GALNT13: variants seen among roughly 807,000 people sequenced by gnomAD.
GALNT13 encodes the protein polypeptide N-acetylgalactosaminyltransferase 13.
In GALNT13, 28 loss-of-function variants were observed where a neutral mutation model predicts 64.2. That is an observed-to-expected ratio of 0.44 (90% confidence interval 0.32 to 0.60). The LOEUF is 0.60. Among genes scored for constraint, GALNT13 ranks in the 20% least tolerant of loss-of-function variants. The pLI, the probability that GALNT13 is intolerant of heterozygous loss-of-function variation, is 0.05. For synonymous variants in GALNT13, 214 were observed against 224.6 expected (o/e 0.95, Z 0.42); for missense variants, 577 against 669.8 (o/e 0.86, Z 1.53).
chr2:153,207,165 C>A, the GALNT13 span, among the ~76,000 whole-genome samples: 1 of 151,970 alleles, frequency 6.6e-6, no homozygotes, highest in African/African-American at 2.4e-5. Flanking sequence ...CAAATGATTG[C>A]CTTCCTTTCC....
chr2:153,486,754 T>C, the GALNT13 span, among the ~76,000 whole-genome samples: 1 of 152,220 alleles, frequency 6.6e-6, no homozygotes, highest in East Asian at 1.9e-4. Flanking sequence ...TTTTTAGATG[T>C]GCAGCATAGA....
At chr2:153,297,680 T>G in the GALNT13 span, among the ~76,000 whole-genome samples, 2 of 152,210 alleles carry the variant, frequency 1.3e-5, no homozygotes, top group East Asian at 3.8e-4. Flanking sequence ...TTACAAATGA[T>G]ACTAAATGAG....
the GALNT13 span, among the ~76,000 whole-genome samples, chr2:153,099,963 G>A: frequency 6.6e-6 from 1 of 152,180 alleles, no homozygotes. Context: ...GAGGAAACAC[G>A]TTTTTGTAAC....
the GALNT13 span, among the ~76,000 whole-genome samples, chr2:153,503,944 A>G: frequency 6.6e-6 from 1 of 151,938 alleles, no homozygotes; most frequent in African/African-American, 2.4e-5. Flanking sequence ...ATTGATGGGA[A>G]TTGAGTTGAA....
chr2:153,905,763 G>A (rs571857015), intron 2 of GALNT13, among the ~76,000 whole-genome samples: 5 of 152,054 alleles, frequency 3.3e-5, no homozygotes, highest in African/African-American at 1.2e-4. Context: ...TTTTCTTAAA[G>A]GAAACACTTT....
At chr2:153,809,659 G>A in the GALNT13 span, among the ~76,000 whole-genome samples, 2 of 152,064 alleles carry the variant, frequency 1.3e-5, no homozygotes, top group Non-Finnish European at 2.9e-5. Context: ...CTATTAATCC[G>A]AGGCATATCT....
chr2:153,147,113 C>G, the GALNT13 span, among the ~76,000 whole-genome samples: 17,795 of 151,492 alleles, frequency 0.12, 1,379 homozygotes, highest in African/African-American at 0.2. Flanking sequence ...AGTTTCCCAG[C>G]ACGTGCAGCT....
the GALNT13 span, among the ~76,000 whole-genome samples, chr2:153,187,064 A>T: frequency 6.6e-6 from 1 of 152,258 alleles, no homozygotes; most frequent in Non-Finnish European, 1.5e-5. Flanking sequence ...TACATCTGTT[A>T]AATAAATTGA....
the GALNT13 span, among the ~76,000 whole-genome samples, chr2:153,341,989 T>C: frequency 2.0e-5 from 3 of 152,280 alleles, no homozygotes; most frequent in Admixed American, 2.0e-4. Flanking sequence ...AGCCAGGTAA[T>C]GAGATCAAAT....
At chr2:153,097,105 A>G in the GALNT13 span, among the ~76,000 whole-genome samples, 1 of 152,164 alleles carries the variant, frequency 6.6e-6, no homozygotes, top group African/African-American at 2.4e-5. Context: ...TTTTAAACTT[A>G]TAACAAAACT....
the GALNT13 span, among the ~76,000 whole-genome samples, chr2:153,121,045 A>T: frequency 6.6e-6 from 1 of 152,186 alleles, no homozygotes; most frequent in Non-Finnish European, 1.5e-5. Context: ...TAGAAAGACC[A>T]CCAAAATACT....
chr2:153,932,626 CTTTTTTT>C (rs34617568), intron 2 of GALNT13, among the ~76,000 whole-genome samples: 1 of 95,650 alleles, frequency 1.0e-5, no homozygotes. Context: ...TTCTGTCTTT[CTTTTTTT>C]TTTTTTTTTT....
the GALNT13 span, among the ~76,000 whole-genome samples, chr2:153,863,702 C>T: frequency 6.6e-6 from 1 of 152,006 alleles, no homozygotes; most frequent in Non-Finnish European, 1.5e-5. Context: ...AATAAGCAAT[C>T]GAAACATGCT....
intron 4 of GALNT13, among the ~76,000 whole-genome samples, chr2:154,162,293 T>C (rs1684778268): frequency 2.6e-5 from 4 of 152,236 alleles, no homozygotes. Flanking sequence ...TTATGTAGAA[T>C]TCTTAAATAA....
At chr2:153,418,483 G>A in the GALNT13 span, among the ~76,000 whole-genome samples, 2 of 152,192 alleles carry the variant, frequency 1.3e-5, no homozygotes, top group Non-Finnish European at 2.9e-5. Flanking sequence ...AGATAAGAGA[G>A]TGTCATGTCA....
the GALNT13 span, among the ~76,000 whole-genome samples, chr2:153,855,938 T>G: frequency 2.4e-4 from 36 of 152,308 alleles, no homozygotes; most frequent in African/African-American, 7.5e-4. Flanking sequence ...TGGATGAACC[T>G]TGAAAACATT....
chr2:153,367,977 A>G, the GALNT13 span, among the ~76,000 whole-genome samples: 1 of 152,128 alleles, frequency 6.6e-6, no homozygotes, highest in African/African-American at 2.4e-5. Context: ...TAACATAAAT[A>G]AAAATGATCT....
At chr2:154,008,984 T>A (rs6706767) in intron 3 of GALNT13, among the ~76,000 whole-genome samples, 80,100 of 151,976 alleles carry the variant, frequency 0.53, 22,397 homozygotes, top group East Asian at 0.95. Context: ...GTTAAATGGT[T>A]GTTCTATTTT....
At chr2:153,900,786 A>G (rs1275341857) in intron 1 of GALNT13, 150 bp from the exon 2 acceptor site, 9 of 152,130 alleles carry the variant, frequency 5.9e-5, no homozygotes, top group Admixed American at 2.0e-4. Context: ...TCATCAGCCC[A>G]TTATACTTTG....
Sources: allele counts gnomAD v4.1 joint callset (sites outside exome capture counted in the v4.1 genomes callset), GRCh38; gene constraint gnomAD v4.1.1; transcripts MANE v1.5; gene names NCBI Gene and HGNC (gene_info 2026-07-23, HGNC 2026-07-21).